CALCRL: variants seen among roughly 807,000 people sequenced by gnomAD.
CALCRL encodes calcitonin receptor like receptor.
Under a neutral mutation model 60.4 loss-of-function variants are expected in CALCRL, and 27 were observed. That is an observed-to-expected ratio of 0.45 (90% CI 0.33 to 0.62). The LOEUF (loss-of-function observed/expected upper bound fraction) is 0.62. Among genes scored for constraint, CALCRL ranks in the 20% least tolerant of loss-of-function variants. The pLI is 0.03. For synonymous variants in CALCRL, 190 were observed against 182.6 expected, an observed-to-expected ratio of 1.04 and a Z score of -0.33; for missense variants, 424 against 540.7, an observed-to-expected ratio of 0.78 and a Z score of 2.14.
intron 1 of CALCRL, among the ~76,000 whole-genome samples, chr2:187,417,456 T>C (rs187173707): frequency 1.4e-4 from 21 of 152,232 alleles, no homozygotes; most frequent in African/African-American, 4.8e-4. Flanking sequence ...AAATCAAATA[T>C]AGATTTAAAA....
At chr2:187,431,064 G>A (rs1056134788) in intron 1 of CALCRL, among the ~76,000 whole-genome samples, 2 of 152,066 alleles carry the variant, frequency 1.3e-5, no homozygotes, top group Admixed American at 6.6e-5. Context: ...TAAGTCCACT[G>A]CCAAGGTGCC....
intron 1 of CALCRL, among the ~76,000 whole-genome samples, chr2:187,420,383 A>G (rs557939263): frequency 1.9e-4 from 29 of 152,280 alleles, no homozygotes; most frequent in African/African-American, 6.5e-4. Flanking sequence ...TAGGAAAAAC[A>G]TTATGATAAA....
In CALCRL at chr2:187,359,202, A is replaced by T; in HGVS notation, c.842+10T>A. Reference sequence around the variant, plus strand: ...ATTCCAGTAGAAATAATAAAAAGAGATTTTCTTACTTGTCATTGTAATATA... The same window carrying T: ...ATTCCAGTAGAAATAATAAAAAGAGTTTTTCTTACTTGTCATTGTAATATA... On this transcript the variant is annotated intron_variant, in intron 11 of 14. Coordinates refer to ENST00000392370, the MANE Select transcript of CALCRL (RefSeq NM_005795.6). The T allele has an allele frequency of 6.3e-7, 1 of 1,594,526 alleles. No homozygotes were observed. The highest frequency in any genetic ancestry group is 8.6e-7 in the Non-Finnish European group (1 of 1,167,748).
At chr2:187,412,853 A>T (rs1186972492) in intron 1 of CALCRL, among the ~76,000 whole-genome samples, 5 of 152,274 alleles carry the variant, frequency 3.3e-5, no homozygotes, top group African/African-American at 1.2e-4. Flanking sequence ...CACATATATC[A>T]ATAACTAATT....
At chr2:187,395,057 G>A (rs1455000424) in intron 1 of CALCRL, among the ~76,000 whole-genome samples, 4 of 152,058 alleles carry the variant, frequency 2.6e-5, no homozygotes, top group Non-Finnish European at 4.4e-5. Context: ...GCTATTTTCT[G>A]TATCCCTCTA....
chr2:187,344,832 G>T lies in CALCRL; in HGVS notation c.*1352C>A, dbSNP rs1686213914. The stretch of plus-strand genomic sequence containing the variant: ...GTCAGTAAAGTAATATTTTAATGGG[G>T]TAAAATCTATAAAAGTAGCAGATTG... On this transcript the variant is annotated 3_prime_UTR_variant, in exon 15 of 15. Coordinates refer to ENST00000392370, the MANE Select transcript of CALCRL (RefSeq NM_005795.6). 1 of 151,566 alleles carries T rather than the reference G, an allele frequency of 6.6e-6. No homozygotes were observed. The highest frequency in any genetic ancestry group is 2.4e-5 in the African/African-American group (1 of 41,346). The allele number at this position is 151,566 out of a possible 1,614,324, so 9.4% of individuals were successfully genotyped here.
chr2:187,348,302 A>G (rs977175397), intron 14 of CALCRL, among the ~76,000 whole-genome samples: 18 of 151,864 alleles, frequency 1.2e-4, no homozygotes, highest in African/African-American at 4.3e-4. Flanking sequence ...CCAATTATCT[A>G]GATACATCTG....
At chr2:187,348,650 C>A (rs917793208) in intron 14 of CALCRL, among the ~76,000 whole-genome samples, 18 of 151,576 alleles carry the variant, frequency 1.2e-4, no homozygotes, top group African/African-American at 3.9e-4. Context: ...ATCAGAAAAA[C>A]CATAGAAAGC....
At chr2:187,409,974 G>A (rs1191244520) in intron 1 of CALCRL, among the ~76,000 whole-genome samples, 1 of 152,146 alleles carries the variant, frequency 6.6e-6, no homozygotes, top group Non-Finnish European at 1.5e-5. Flanking sequence ...ACACTAAGCA[G>A]GGAGTTTGAT....
chr2:187,359,738 A>G (rs1686966083), intron 10 of CALCRL, among the ~76,000 whole-genome samples: 1 of 152,142 alleles, frequency 6.6e-6, no homozygotes, highest in African/African-American at 2.4e-5. Context: ...AAAAAAAGTG[A>G]TTAATTTATG....
intron 1 of CALCRL, among the ~76,000 whole-genome samples, chr2:187,388,138 A>G (rs1383650128): frequency 2.0e-5 from 3 of 151,938 alleles, no homozygotes; most frequent in African/African-American, 7.2e-5. Flanking sequence ...TAAGTTAGAT[A>G]AATATTTCTT....
intron 1 of CALCRL, among the ~76,000 whole-genome samples, chr2:187,413,658 T>G (rs1281993310): frequency 6.6e-6 from 1 of 152,120 alleles, no homozygotes; most frequent in East Asian, 1.9e-4. Flanking sequence ...CTTGAAATAA[T>G]CCTCTTTATT....
intron 1 of CALCRL, among the ~76,000 whole-genome samples, chr2:187,420,054 C>T (rs1574304686): frequency 2.0e-5 from 3 of 152,112 alleles, no homozygotes; most frequent in East Asian, 3.9e-4. Flanking sequence ...AGAAATTACT[C>T]CAAAACCTAG....
intron 12 of CALCRL, 75 bp downstream of exon 12, chr2:187,358,988 A>C: frequency 8.4e-7 from 1 of 1,186,114 alleles, no homozygotes; most frequent in Non-Finnish European, 1.3e-6. Context: ...ACCCTGAAGG[A>C]TACCATAGGC....
Position 187,342,864 on chromosome 2 carries a change from G to A in CALCRL, c.*3320C>T, listed in dbSNP as rs1016000911. ...TCCTTCATTAATTAATGAGTTAAACGAAATCTTTGAAACATTTTCATTTTA... is the reference window on the plus strand; with the variant it reads ...TCCTTCATTAATTAATGAGTTAAACAAAATCTTTGAAACATTTTCATTTTA... On this transcript the variant is annotated 3_prime_UTR_variant, in exon 15 of 15. Coordinates refer to ENST00000392370, the MANE Select transcript of CALCRL (RefSeq NM_005795.6). Among the ~76,000 whole-genome samples the A allele has an allele frequency of 6.6e-5, 10 of 151,264 alleles. No homozygotes were observed. The highest frequency in any genetic ancestry group is 1.7e-4 in the African/African-American group (7 of 41,304).
chr2:187,428,577 T>G (rs1690251947), intron 1 of CALCRL: 1 of 152,180 alleles, frequency 6.6e-6, no homozygotes, highest in East Asian at 1.9e-4. Flanking sequence ...TTCATAAAAT[T>G]GATTCATTAA....
chr2:187,371,635 C>T (rs901962136), intron 8 of CALCRL, among the ~76,000 whole-genome samples: 2 of 151,834 alleles, frequency 1.3e-5, no homozygotes, highest in Non-Finnish European at 2.9e-5. Context: ...ATGTGGGAGG[C>T]TGAGGCAGGA....
intron 1 of CALCRL, among the ~76,000 whole-genome samples, chr2:187,413,974 G>T (rs1203915311): frequency 6.6e-6 from 1 of 152,028 alleles, no homozygotes; most frequent in Admixed American, 6.5e-5. Flanking sequence ...TAAATAAAAT[G>T]TGGATAATAA....
rs188875139 is a variant in CALCRL, at chr2:187,416,404, C to T, written c.-292-28648G>A. ...AATATCTTCTGTACTCCTAATTTCCCTGTTATCCTAGTAATAGATCCAAAT... is the reference window on the plus strand; with the variant it reads ...AATATCTTCTGTACTCCTAATTTCCTTGTTATCCTAGTAATAGATCCAAAT... On this transcript the variant is annotated intron_variant, in intron 1 of 14. Transcript: ENST00000392370. Among the ~76,000 whole-genome samples, 635 of 152,260 alleles carry T rather than the reference C, an allele frequency of 4.2e-3. 7 individuals are homozygous for T. Among genetic ancestry groups the T allele is most frequent in the Non-Finnish European group, 5.5e-3 (377 of 67,996 alleles).
Sources: gnomAD v4.1 joint callset for allele counts (sites outside exome capture counted in the v4.1 genomes callset) on GRCh38, gnomAD v4.1.1 for gene constraint, MANE v1.5 for transcripts, NCBI Gene and HGNC (gene_info 2026-07-23, HGNC 2026-07-21) for gene names.